The following PDK2 variants were observed in gnomAD, a reference collection of about 807,000 sequenced individuals.
The protein encoded by PDK2 is pyruvate dehydrogenase kinase 2.
Under a neutral mutation model 50.4 loss-of-function variants are expected in PDK2, and 34 were observed. The observed-to-expected ratio is 0.68, with a 90% CI of 0.51 to 0.90. The LOEUF is 0.90. PDK2 is among the 40% of genes least tolerant of loss of function. The pLI is 0.00. For synonymous variants in PDK2, 232 were observed against 216.0 expected, an observed-to-expected ratio of 1.07 and a Z score of -0.65; for missense variants, 377 against 544.5, an observed-to-expected ratio of 0.69 and a Z score of 3.06.
chr17:50,103,814 G>A (rs563244287), intron 2 of PDK2, among the ~76,000 whole-genome samples: 2 of 152,168 alleles, frequency 1.3e-5, no homozygotes, highest in Non-Finnish European at 2.9e-5. Context: ...TGGCAAGAGC[G>A]CTGGAGACTC....
rs763112452 is a variant in PDK2 at position 50,108,644 on chromosome 17, G to C, written c.894G>C (p.Arg298Ser). Residue 298 changes from arginine (R) to serine (S), a missense_variant, in exon 9 of 11, where the codon AGG (arginine) becomes AGC (serine). Arg to Ser is a moderately radical substitution (Grantham distance 110). Transcript: ENST00000503176. ...MSDRGGGVPLRKIERLFSYMY... is the reference protein window; with the variant it reads ...MSDRGGGVPLSKIERLFSYMY... ...ACCGAGGTGGGGGTGTTCCCTTGAGGAAGATTGAGCGACTCTTCAGCTACA... is the reference window on the plus strand; with the variant it reads ...ACCGAGGTGGGGGTGTTCCCTTGAGCAAGATTGAGCGACTCTTCAGCTACA... 3 of 1,613,168 alleles carry C rather than the reference G, an allele frequency of 1.9e-6. No homozygotes were observed. The highest frequency in any genetic ancestry group is 2.5e-6 in the Non-Finnish European group (3 of 1,179,670).
Position 50,105,451 on chromosome 17 carries a change from G to T in PDK2, c.332+9G>T, listed in dbSNP as rs746716387. ...CATCGCACCCTGAGCCAGTGAGTGGGGGCCCTGGGTGGGGCAGGAAGGCAG... is the reference window on the plus strand; with the variant it reads ...CATCGCACCCTGAGCCAGTGAGTGGTGGCCCTGGGTGGGGCAGGAAGGCAG... On this transcript the variant is annotated intron_variant, in intron 3 of 10. Transcript: ENST00000503176. 2 of 1,612,398 alleles carry T rather than the reference G, an allele frequency of 1.2e-6. No homozygotes were observed. Among genetic ancestry groups the T allele is most frequent in the Non-Finnish European group, 1.7e-6 (2 of 1,179,164 alleles).
chr17:50,095,856 G>T, intron 1 of PDK2: 1 of 1,034,026 alleles, frequency 9.7e-7, no homozygotes, highest in Non-Finnish European at 1.2e-6. Context: ...AGGGAGTAGG[G>T]TGGTATCCAG....
chr17:50,106,483 T>C, intron 4 of PDK2: 2 of 480,114 alleles, frequency 4.2e-6, no homozygotes, highest in Non-Finnish European at 7.4e-6. Context: ...CAAAGCAAGG[T>C]GGTAAGAGTT....
rs1362417600 is a variant in PDK2, at chr17:50,105,393, A to G, written c.283A>G (p.Ile95Val). The part of the protein sequence containing the change: ...QSWYVQSLLD[I>V]MEFLDKDPED... ...CAGGTATGTCCAGAGCCTCCTGGAC[A>G]TCATGGAGTTCCTGGACAAGGATCC... Residue 95 changes from isoleucine (I) to valine (V), a missense_variant, in exon 3 of 11, where the codon ATC (isoleucine) becomes GTC (valine). Transcript: ENST00000503176. 6.2e-7 allele frequency: 1 copy of G among 1,613,616 alleles called. No homozygotes were observed. The highest frequency in any genetic ancestry group is 1.3e-5 in the African/African-American group (1 of 74,898).
chr17:50,108,554 T>C (rs560018588), intron 8 of PDK2, 58 bp from the exon 9 acceptor site: 4 of 1,315,266 alleles, frequency 3.0e-6, no homozygotes, highest in African/African-American at 3.1e-5. Context: ...TCAGGGGTAT[T>C]GGGCGGGGTG....
intron 2 of PDK2, among the ~76,000 whole-genome samples, chr17:50,099,181 G>C (rs1168058628): frequency 2.0e-5 from 3 of 152,114 alleles, no homozygotes; most frequent in African/African-American, 7.2e-5. Flanking sequence ...GGTACCATCT[G>C]TTCTCCCTGG....
In PDK2 at chr17:50,108,339, G is replaced by C. The variant is rs1312752042; in HGVS notation, c.783G>C (p.Val261=). The C allele has an allele frequency of 6.2e-7, 1 of 1,614,058 alleles. No individual in the cohort carries two copies. Among genetic ancestry groups the C allele is most frequent in the Admixed American group, 1.7e-5 (1 of 60,020 alleles). The change falls in exon 8 of 11, where the codon GTG becomes GTC. Residue 261 remains valine (V), a synonymous_variant. Coordinates refer to ENST00000503176, the MANE Select transcript of PDK2 (RefSeq NM_002611.5). ...ELFKNAMRAT[V]ESHESSLILP... ...CGCAGAATGCCATGAGGGCGACTGT[G>C]GAAAGCCATGAGTCCAGCCTCATTC...
In PDK2 at chr17:50,109,838, TG is replaced by T; in HGVS notation, c.1084-117del. 1 of 1,141,806 alleles carries T rather than the reference TG, an allele frequency of 8.8e-7. No individual in the cohort carries two copies. Among genetic ancestry groups the T allele is most frequent in the Non-Finnish European group, 1.2e-6 (1 of 833,470 alleles). The allele number at this position is 1,141,806 out of a possible 1,614,324, so 70.7% of individuals were successfully genotyped here. On this transcript the variant is annotated intron_variant, in intron 10 of 10. Coordinates refer to ENST00000503176, the MANE Select transcript of PDK2 (RefSeq NM_002611.5). The surrounding 1 kb of genome is among the most constrained non-coding windows in gnomAD (Gnocchi z 5.0). ...GGACACAGGAGGGACCACCCTTTTG[TG>T]GTCTTTCCAGGCCCCCGTGTCTGGC...
intron 4 of PDK2, 39 bp downstream of exon 4, chr17:50,106,108 G>C (rs1043875945): frequency 1.9e-6 from 3 of 1,558,342 alleles, no homozygotes; most frequent in Non-Finnish European, 2.6e-6. Context: ...GGGCGGTGGG[G>C]GGGGCGGTGC....
In PDK2 at chr17:50,108,178, T is replaced by A. The variant is rs1285650842; in HGVS notation, c.708T>A (p.Ile236=). Residue 236 remains isoleucine, a synonymous_variant, in exon 7 of 11, where the codon ATT becomes ATA. Coordinates refer to ENST00000503176, the MANE Select transcript of PDK2 (RefSeq NM_002611.5). ...EINAANSKQP[I]HMVYVPSHLY... is the part of the protein sequence containing the mutation. The stretch of plus-strand genomic sequence containing the variant: ...TAGCAGCCAACTCCAAACAGCCGAT[T>A]CACATGGTCTACGTCCCCTCCCACC... 1 of 1,596,846 alleles carries A rather than the reference T, an allele frequency of 6.3e-7. No homozygotes were observed. The highest frequency in any genetic ancestry group is 2.2e-5 in the East Asian group (1 of 44,612).
At chr17:50,107,046 C>T in intron 5 of PDK2, 30 bp from the exon 6 acceptor site, 1 of 1,604,332 alleles carries the variant, frequency 6.2e-7, no homozygotes. Flanking sequence ...GTGGGCCACC[C>T]ATGCCCTGAA....
Position 50,095,567 on chromosome 17 carries a change from G to T in PDK2, c.118+14G>T. On this transcript the variant is annotated intron_variant, in intron 1 of 10. Coordinates refer to ENST00000503176, the MANE Select transcript of PDK2 (RefSeq NM_002611.5). ...TTCTGGACTTCGGTACGGAGTGGGC[G>T]GGAGGCGGCTGGCAGCGGAGGCCGG... 2 of 1,586,866 alleles carry T rather than the reference G, an allele frequency of 1.3e-6. No homozygotes were observed. Among genetic ancestry groups the T allele is most frequent in the East Asian group, 4.5e-5 (2 of 44,032 alleles).
At chr17:50,105,749 T>G in intron 3 of PDK2, 136 bp from the exon 4 acceptor site, 1 of 1,230,234 alleles carries the variant, frequency 8.1e-7, no homozygotes, top group Non-Finnish European at 1.1e-6. Flanking sequence ...AGAGTGGGCT[T>G]TGGGAGGAGC....
chr17:50,098,133 T>C (rs1177390154), intron 2 of PDK2, among the ~76,000 whole-genome samples: 1 of 152,064 alleles, frequency 6.6e-6, no homozygotes, highest in Non-Finnish European at 1.5e-5. Context: ...CTCAGCAGAG[T>C]TCACTCAAGA....
At chr17:50,108,496 C>G in intron 8 of PDK2, 79 bp downstream of exon 8, 1 of 1,405,060 alleles carries the variant, frequency 7.1e-7, no homozygotes, top group Non-Finnish European at 1.0e-6. Flanking sequence ...CTTTCCTTTT[C>G]TCCTACATGG....
At chr17:50,108,585 A>G (rs529072258) in intron 8 of PDK2, 27 bp from the exon 9 acceptor site, 1 of 1,567,260 alleles carries the variant, frequency 6.4e-7, no homozygotes, top group Non-Finnish European at 8.7e-7. Flanking sequence ...GCTGTAAAGA[A>G]TCCCTGACAC....
intron 1 of PDK2, chr17:50,095,794 A>G: frequency 7.4e-7 from 1 of 1,357,310 alleles, no homozygotes; most frequent in Non-Finnish European, 9.5e-7. Context: ...CGTGGGCCTC[A>G]TGAAGGGTCT....
chr17:50,107,101 G>A lies in PDK2; in HGVS notation c.633G>A (p.Leu211=), dbSNP rs1910557616. The A allele has an allele frequency of 1.2e-6, 2 of 1,614,002 alleles. No homozygotes were observed. Among genetic ancestry groups the A allele is most frequent in the Non-Finnish European group, 1.7e-6 (2 of 1,180,014 alleles). ...ATGCCTACGACATGGCTAAGCTCCT[G>A]TGTGACAAGTATTACATGGCCTCAC... ...VKDAYDMAKL[L]CDKYYMASPD... Residue 211 remains leucine (L), a synonymous_variant, in exon 6 of 11, where the codon CTG becomes CTA. Transcript: ENST00000503176.
Sources: gnomAD v4.1 joint callset for allele counts (sites outside exome capture counted in the v4.1 genomes callset) on GRCh38, gnomAD v4.1.1 for gene constraint, Gnocchi (gnomAD v3.1) non-coding constraint, MANE v1.5 for transcripts, NCBI Gene and HGNC (gene_info 2026-07-23, HGNC 2026-07-21) for gene names.